Variants in FERMT2 observed in about 807,000 individuals in gnomAD.
FERMT2 encodes the protein fermitin family homolog 2.
FERMT2 carries 15 observed loss-of-function variants against 82.7 expected under a neutral mutation model. The ratio of observed to expected loss-of-function variants is 0.18; its 90% confidence interval spans 0.12 to 0.28. The LOEUF is 0.28. Among genes scored for constraint, FERMT2 ranks in the 10% least tolerant of loss-of-function variants. FERMT2 has a pLI of 1.00. For missense variants in FERMT2, 645 were observed against 809.4 expected (o/e 0.80, Z 2.46); for synonymous variants, 274 against 271.5 (o/e 1.01, Z -0.09).
intron 4 of FERMT2, chr14:52,881,702 G>T: frequency 8.5e-7 from 1 of 1,177,276 alleles, no homozygotes; most frequent in Non-Finnish European, 1.1e-6. Context: ...GAAATTCTGG[G>T]GAAAAAAAAT....
intron 3 of FERMT2, among the ~76,000 whole-genome samples, chr14:52,906,745 C>G (rs573400789): frequency 8.6e-5 from 13 of 151,820 alleles, no homozygotes; most frequent in African/African-American, 2.4e-4. Context: ...GGATTAACAG[C>G]AAATTAGCAG....
intron 3 of FERMT2, among the ~76,000 whole-genome samples, chr14:52,896,999 A>AAC (rs57945447): frequency 0.011 from 1,467 of 137,158 alleles, 26 homozygotes; most frequent in African/African-American, 0.032. Flanking sequence ...AAACAAATAA[A>AAC]ACACACACAC....
At chr14:52,935,202 T>C (rs1889779906) in intron 2 of FERMT2, among the ~76,000 whole-genome samples, 1 of 152,212 alleles carries the variant, frequency 6.6e-6, no homozygotes, top group Non-Finnish European at 1.5e-5. Context: ...AAAAAAAGTT[T>C]TTAATCTGCT....
At chr14:52,933,538 T>G (rs1055191804) in intron 2 of FERMT2, among the ~76,000 whole-genome samples, 3 of 151,236 alleles carry the variant, frequency 2.0e-5, no homozygotes, top group Non-Finnish European at 2.9e-5. Flanking sequence ...TGGAGAAACC[T>G]CGTCTCTACT....
At chr14:52,900,929 C>T (rs1159262614) in intron 3 of FERMT2, among the ~76,000 whole-genome samples, 2 of 151,826 alleles carry the variant, frequency 1.3e-5, no homozygotes, top group Non-Finnish European at 2.9e-5. Flanking sequence ...GGATGATGAG[C>T]TAAACTCCAC....
At chr14:52,867,688 T>C (rs148945956) in intron 10 of FERMT2, among the ~76,000 whole-genome samples, 117 of 152,248 alleles carry the variant, frequency 7.7e-4, no homozygotes, top group Middle Eastern at 3.4e-3. Flanking sequence ...TAGCTCCAAA[T>C]AGACATCCCA....
chr14:52,941,354 G>C (rs920628178), intron 2 of FERMT2, among the ~76,000 whole-genome samples: 1 of 152,062 alleles, frequency 6.6e-6, no homozygotes, highest in Non-Finnish European at 1.5e-5. Context: ...CTTGACTGTG[G>C]TAGTTTTACA....
At chr14:52,869,332 C>T (rs1885471001) in intron 10 of FERMT2, among the ~76,000 whole-genome samples, 1 of 152,136 alleles carries the variant, frequency 6.6e-6, no homozygotes, top group African/African-American at 2.4e-5. Flanking sequence ...ATTTGTGTAA[C>T]TTTAAAAGCA....
chr14:52,913,623 A>G (rs550390737), intron 3 of FERMT2, among the ~76,000 whole-genome samples: 67 of 151,998 alleles, frequency 4.4e-4, no homozygotes, highest in African/African-American at 1.4e-3. Flanking sequence ...TGGAAATGTC[A>G]TAAGATATGA....
chr14:52,880,289 T>C (rs1886210976), intron 6 of FERMT2, among the ~76,000 whole-genome samples: 2 of 152,214 alleles, frequency 1.3e-5, no homozygotes, highest in Non-Finnish European at 2.9e-5. Flanking sequence ...GCAACATCTT[T>C]TGGCACGTAA....
rs1885889252 is a variant in FERMT2 at position 52,875,351 on chromosome 14, T to C, written c.970A>G (p.Ile324Val). The C allele has an allele frequency of 6.3e-7, 1 of 1,592,498 alleles. No homozygotes were observed. Among genetic ancestry groups the C allele is most frequent in the East Asian group, 2.2e-5 (1 of 44,696 alleles). The part of the protein sequence containing the change: ...MMMFAALQYH[I>V]NKLSIMTSEN... ...GATGTCATGATTGACAGCTTATTGA[T>C]ATGATACTGAAACCAGAATTATTTT... Residue 324 changes from isoleucine (I) to valine (V), a missense_variant, in exon 8 of 15, where the codon ATC becomes GTC. Physicochemically the swap from Ile to Val is conservative, Grantham distance 29. Transcript: ENST00000341590.
At chr14:52,923,381 CCCAAAATA>C (rs1253000751) in intron 2 of FERMT2, among the ~76,000 whole-genome samples, 1 of 151,928 alleles carries the variant, frequency 6.6e-6, no homozygotes, top group Non-Finnish European at 1.5e-5. Context: ...AGCCCAAAAG[CCCAAAATA>C]CCTACTATCC....
In FERMT2 at chr14:52,858,499, C is replaced by T; in HGVS notation, c.1921G>A (p.Val641Ile). 6.2e-7 allele frequency: 1 copy of T among 1,614,098 alleles called. No homozygotes were observed. The highest frequency in any genetic ancestry group is 1.3e-5 in the African/African-American group (1 of 75,046). ...AATTCATGAACCACTTTGCAATCTA[C>T]TTCAGTACAAATGAAGGACAATCGT... ...EVRLSFICTE[V>I]DCKVVHEFIG... is the part of the protein sequence containing the mutation. The change falls in exon 15 of 15, where the codon GTA becomes ATA. Residue 641 changes from valine (V) to isoleucine (I), a missense_variant. Transcript: ENST00000341590.
At chr14:52,935,959 T>G (rs17093030) in intron 2 of FERMT2, among the ~76,000 whole-genome samples, 1 of 152,196 alleles carries the variant, frequency 6.6e-6, no homozygotes, top group Non-Finnish European at 1.5e-5. Context: ...ACAGAATGCA[T>G]AAACAGAAAG....
In FERMT2 at chr14:52,927,923, A is replaced by G. The variant is rs1199456722; in HGVS notation, c.158-8567T>C. 16 of 267,124 alleles carry G rather than the reference A, an allele frequency of 6.0e-5. No individual in the cohort carries two copies. The Admixed American group carries it at 6.2e-4, about 10-fold the overall frequency. 16.5% of individuals were successfully genotyped at this position (267,124 alleles called of 1,614,324 possible). On this transcript the variant is annotated intron_variant, in intron 2 of 14. Coordinates refer to ENST00000341590, the MANE Select transcript of FERMT2 (RefSeq NM_006832.3). ...GAGACCAAACAAAGACCAGCCCAATACCTCTTGGACTTTATTTAATGCCAT... is the reference window on the plus strand; with the variant it reads ...GAGACCAAACAAAGACCAGCCCAATGCCTCTTGGACTTTATTTAATGCCAT...
chr14:52,894,886 TAAAA>T (rs3068971), intron 3 of FERMT2, among the ~76,000 whole-genome samples: 3 of 140,878 alleles, frequency 2.1e-5, no homozygotes, highest in African/African-American at 5.2e-5. Context: ...TATTTAAAAA[TAAAA>T]AAAAAAAAAA....
chr14:52,938,211 G>C (rs544514512), intron 2 of FERMT2, among the ~76,000 whole-genome samples: 56 of 152,286 alleles, frequency 3.7e-4, no homozygotes, highest in African/African-American at 1.3e-3. Flanking sequence ...TTTTAAAATG[G>C]TTTCAGCAAG....
intron 2 of FERMT2, 48 bp downstream of exon 2, chr14:52,950,364 A>C: frequency 6.3e-7 from 1 of 1,584,324 alleles, no homozygotes; most frequent in Non-Finnish European, 8.6e-7. Context: ...TCCTCCCCCT[A>C]CCAATTCTGG....
chr14:52,910,622 T>A (rs1888261494), intron 3 of FERMT2, among the ~76,000 whole-genome samples: 1 of 152,156 alleles, frequency 6.6e-6, no homozygotes, highest in South Asian at 2.1e-4. Flanking sequence ...GAAGAAAAAA[T>A]TATTACACAG....
Sources: gnomAD v4.1 joint callset for allele counts (sites outside exome capture counted in the v4.1 genomes callset) on GRCh38, gnomAD v4.1.1 for gene constraint, MANE v1.5 for transcripts, NCBI Gene and HGNC (gene_info 2026-07-23, HGNC 2026-07-21) for gene names.